TMEM114: variants seen among roughly 807,000 people sequenced by gnomAD.
The protein encoded by TMEM114 is claudin-26.
Under a neutral mutation model 6.2 loss-of-function variants are expected in TMEM114, and 6 were observed. The observed-to-expected ratio is 0.97, with a 90% CI of 0.53 to 1.91. The LOEUF (loss-of-function observed/expected upper bound fraction) is 1.91, where lower values mean the gene tolerates loss of function less well. Ranked by LOEUF, TMEM114 falls within the 40% of genes most tolerant of loss-of-function variation. The pLI is 0.01. For missense variants in TMEM114, 218 were observed against 158.3 expected (o/e 1.38, Z -2.02); for synonymous variants, 104 against 73.0 (o/e 1.42, Z -2.16).
chr16:8,551,673 A>G (rs1900848490), intron 2 of TMEM114, among the ~76,000 whole-genome samples: 2 of 152,208 alleles, frequency 1.3e-5, no homozygotes, highest in African/African-American at 4.8e-5. Flanking sequence ...TCTTTTCAAA[A>G]CCTTTCATAG....
At chr16:8,589,320 T>C in intron 1 of TMEM114, 27 bp from the exon 2 acceptor site, 1 of 398,728 alleles carries the variant, frequency 2.5e-6, no homozygotes, top group Non-Finnish European at 4.4e-6. Flanking sequence ...AATCCATGGG[T>C]GCAGGACCCC....
chr16:8,533,005 C>T (rs139331872), downstream of TMEM114, among the ~76,000 whole-genome samples: 15 of 152,322 alleles, frequency 9.8e-5, no homozygotes, highest in African/African-American at 3.6e-4. Context: ...TGATGAGCTA[C>T]ATTCTAAGCA....
At chr16:8,546,852 G>A (rs969709075) in intron 2 of TMEM114, among the ~76,000 whole-genome samples, 3 of 152,220 alleles carry the variant, frequency 2.0e-5, no homozygotes, top group Non-Finnish European at 4.4e-5. Flanking sequence ...AAACGCAAGT[G>A]ATGCTGGCTG....
intron 2 of TMEM114, among the ~76,000 whole-genome samples, chr16:8,561,536 T>C (rs1901199707): frequency 6.6e-6 from 1 of 152,218 alleles, no homozygotes; most frequent in African/African-American, 2.4e-5. Context: ...AAATCCTTGG[T>C]GTTTCAAACA....
At position 8,572,187 on chromosome 16, in the gene TMEM114, G is replaced by C. The variant is rs1012227121; in HGVS notation, c.339C>G (p.Ser113Arg). 6.4e-7 allele frequency: 1 copy of C among 1,551,662 alleles called. No homozygotes were observed. The highest frequency in any genetic ancestry group is 2.4e-5 in the East Asian group (1 of 40,914). Residue 113 changes from serine to arginine, a missense_variant, in exon 3 of 4, where the codon AGC becomes AGG. Physicochemically the swap from Ser to Arg is moderately radical, Grantham distance 110. Coordinates refer to ENST00000620492, the MANE Select transcript of TMEM114 (RefSeq NM_001146336.2). The part of the protein sequence containing the change: ...HGTFVILLPL[S>R]LILMVFGGMT... ...TCCCCCCAAAAACCATCAGGATCAG[G>C]CTGAGCGGCAGCAGAATCACAAATG...
chr16:8,570,041 C>T (rs1430132502), intron 3 of TMEM114, 36 bp from the exon 4 acceptor site: 4 of 1,522,526 alleles, frequency 2.6e-6, no homozygotes, highest in Non-Finnish European at 3.5e-6. Context: ...GATCAATCCC[C>T]CACCCCGCCC....
chr16:8,540,463 C>T (rs905855498), intron 2 of TMEM114, among the ~76,000 whole-genome samples: 3 of 152,088 alleles, frequency 2.0e-5, no homozygotes, highest in East Asian at 1.9e-4. Context: ...TGAAATAATG[C>T]AAGTAAAATA....
At chr16:8,561,746 G>GGAAT (rs142729024) in intron 2 of TMEM114, among the ~76,000 whole-genome samples, 13,852 of 152,018 alleles carry the variant, frequency 0.091, 754 homozygotes, top group Middle Eastern at 0.19. Flanking sequence ...AATGAGTGGG[G>GGAAT]GAATGAATGA....
intron 2 of TMEM114, among the ~76,000 whole-genome samples, chr16:8,553,143 C>G (rs8044590): frequency 6.6e-6 from 1 of 152,140 alleles, no homozygotes; most frequent in Admixed American, 6.5e-5. Context: ...ACAAGAGTGC[C>G]GATCGCAGCC....
At chr16:8,585,101 G>T (rs895458751) in intron 2 of TMEM114, among the ~76,000 whole-genome samples, 1 of 152,094 alleles carries the variant, frequency 6.6e-6, no homozygotes, top group Non-Finnish European at 1.5e-5. Context: ...GTCTTACATG[G>T]CGGCAGGCAG....
intron 2 of TMEM114, among the ~76,000 whole-genome samples, chr16:8,544,397 G>A (rs1900599352): frequency 6.6e-6 from 1 of 152,220 alleles, no homozygotes; most frequent in South Asian, 2.1e-4. Context: ...TTCAAGGAAT[G>A]CCTTGTTTAC....
downstream of TMEM114, among the ~76,000 whole-genome samples, chr16:8,532,808 C>T (rs1900255093): frequency 6.6e-6 from 1 of 152,036 alleles, no homozygotes; most frequent in African/African-American, 2.4e-5. Flanking sequence ...CCTGTAATCC[C>T]AGCTACTCAG....
rs1900482411 is a variant in TMEM114 at position 8,540,406 on chromosome 16, A to G, written n.213-2580T>C. 2.0e-5 allele frequency among the ~76,000 whole-genome samples: 3 copies of G among 152,154 alleles called. 1 individual carries two copies. The highest frequency in any genetic ancestry group is 2.0e-4 in the Admixed American group (3 of 15,266). On this transcript the variant is annotated intron_variant and non_coding_transcript_variant, in intron 2 of 2. Coordinates refer to the TMEM114 transcript ENST00000623677. ...TCAGTTTCCTCAACTGTGAAATAAGAGTGATGATGATTGCATTGAATTCAT... is the reference window on the plus strand; with the variant it reads ...TCAGTTTCCTCAACTGTGAAATAAGGGTGATGATGATTGCATTGAATTCAT...
chr16:8,562,195 A>C (rs1228093405), intron 2 of TMEM114, among the ~76,000 whole-genome samples: 1 of 151,532 alleles, frequency 6.6e-6, no homozygotes, highest in Non-Finnish European at 1.5e-5. Flanking sequence ...TGAGTGAGTG[A>C]ATGAGTCAGT....
chr16:8,547,031 A>G (rs761875786), intron 2 of TMEM114, among the ~76,000 whole-genome samples: 11 of 152,226 alleles, frequency 7.2e-5, no homozygotes, highest in Non-Finnish European at 1.2e-4. Flanking sequence ...TACAAGACCC[A>G]TTAGAATGTT....
intron 3 of TMEM114, among the ~76,000 whole-genome samples, chr16:8,570,365 G>C (rs1470847849): frequency 2.6e-5 from 4 of 152,068 alleles, no homozygotes; most frequent in Admixed American, 6.5e-5. Flanking sequence ...GCCCAGGCTG[G>C]AGTGCAGCGG....
intron 2 of TMEM114, among the ~76,000 whole-genome samples, chr16:8,563,732 A>G (rs530376471): frequency 6.6e-6 from 1 of 151,060 alleles, no homozygotes; most frequent in South Asian, 2.1e-4. Flanking sequence ...TGAGTCAGTG[A>G]GTGAATGAAT....
intron 2 of TMEM114, 123 bp downstream of exon 2, chr16:8,589,090 C>T (rs973389819): frequency 2.0e-5 from 8 of 394,738 alleles, no homozygotes; most frequent in Non-Finnish European, 3.1e-5. Context: ...TCAGGCTGGG[C>T]TGTCAGAGGC....
intron 2 of TMEM114, among the ~76,000 whole-genome samples, chr16:8,547,438 G>C (rs909601340): frequency 4.0e-5 from 6 of 150,720 alleles, no homozygotes; most frequent in Non-Finnish European, 8.9e-5. Flanking sequence ...TGTCACCCAG[G>C]CTGGAGTGCA....
Sources: allele counts gnomAD v4.1 joint callset (sites outside exome capture counted in the v4.1 genomes callset), GRCh38; gene constraint gnomAD v4.1.1; transcripts MANE v1.5; gene names NCBI Gene and HGNC (gene_info 2026-07-23, HGNC 2026-07-21).